Variants in SND1 observed in about 807,000 individuals in gnomAD.
SND1 encodes the protein staphylococcal nuclease and tudor domain containing 1.
SND1 carries 38 observed loss-of-function variants against 121.7 expected under a neutral mutation model. The ratio of observed to expected loss-of-function variants is 0.31; its 90% CI spans 0.24 to 0.41. The LOEUF (loss-of-function observed/expected upper bound fraction) is 0.41, where lower values mean the gene tolerates loss of function less well. Among genes scored for constraint, SND1 ranks in the 10% least tolerant of loss-of-function variants. SND1 has a pLI of 1.00. For synonymous variants in SND1, 401 were observed against 447.4 expected (o/e 0.90, Z 1.31); for missense variants, 868 against 1,184.6 (o/e 0.73, Z 3.92).
intron 10 of SND1, among the ~76,000 whole-genome samples, chr7:127,795,174 A>C (rs555568834): frequency 6.6e-6 from 1 of 152,182 alleles, no homozygotes; most frequent in African/African-American, 2.4e-5. Flanking sequence ...AGAGACACTA[A>C]TTATATTTTA....
At chr7:127,960,183 T>G (rs1801698883) in intron 15 of SND1, among the ~76,000 whole-genome samples, 1 of 152,258 alleles carries the variant, frequency 6.6e-6, no homozygotes, top group Non-Finnish European at 1.5e-5. Flanking sequence ...ATCATTGCTG[T>G]CACAGACACC....
chr7:127,691,768 A>G (rs542220080), intron 2 of SND1, among the ~76,000 whole-genome samples: 1 of 147,560 alleles, frequency 6.8e-6, no homozygotes, highest in South Asian at 2.2e-4. Flanking sequence ...GTGCGCCAAC[A>G]TGCCTGGCTA....
At chr7:128,091,304 CA>C in intron 22 of SND1, among the ~76,000 whole-genome samples, 1 of 152,252 alleles carries the variant, frequency 6.6e-6, no homozygotes, top group Non-Finnish European at 1.5e-5. Context: ...CTGCAGCCTT[CA>C]ACTCCCTGGC....
intron 16 of SND1, among the ~76,000 whole-genome samples, chr7:128,065,320 G>A (rs891159639): frequency 6.6e-6 from 1 of 152,036 alleles, no homozygotes; most frequent in African/African-American, 2.4e-5. Flanking sequence ...AACCCACTGT[G>A]GTTCAGGTAT....
At chr7:127,789,494 G>A (rs547871006) in intron 10 of SND1, among the ~76,000 whole-genome samples, 178 of 152,224 alleles carry the variant, frequency 1.2e-3, no homozygotes, top group Non-Finnish European at 2.1e-3. Context: ...TTCTCACTGC[G>A]GAAGAGAGAC....
intron 16 of SND1, among the ~76,000 whole-genome samples, chr7:128,065,969 C>T (rs1793306237): frequency 6.6e-6 from 1 of 152,204 alleles, no homozygotes; most frequent in Non-Finnish European, 1.5e-5. Context: ...AAATCTCCCT[C>T]CAGCTTCCAG....
At chr7:127,726,994 G>A (rs1796592906) in intron 10 of SND1, among the ~76,000 whole-genome samples, 1 of 152,140 alleles carries the variant, frequency 6.6e-6, no homozygotes, top group South Asian at 2.1e-4. Flanking sequence ...AAACCCAAAG[G>A]TGGAGTCTTT....
At chr7:127,958,177 A>G (rs535108954) in intron 15 of SND1, among the ~76,000 whole-genome samples, 1 of 152,334 alleles carries the variant, frequency 6.6e-6, no homozygotes, top group South Asian at 2.1e-4. Context: ...TCCAAGATTC[A>G]GATCAGCCAT....
intron 12 of SND1, among the ~76,000 whole-genome samples, chr7:127,860,223 C>T (rs926624168): frequency 6.6e-6 from 1 of 152,072 alleles, no homozygotes; most frequent in African/African-American, 2.4e-5. Flanking sequence ...TCCTTCAAAC[C>T]CCTTCTCAGG....
At chr7:127,859,914 A>T (rs1045700666) in intron 12 of SND1, among the ~76,000 whole-genome samples, 2 of 152,184 alleles carry the variant, frequency 1.3e-5, no homozygotes, top group Non-Finnish European at 2.9e-5. Context: ...TGCAGCATAG[A>T]TACAGGTAAT....
chr7:127,821,731 CT>C (rs1798553471), intron 11 of SND1, among the ~76,000 whole-genome samples: 1 of 151,198 alleles, frequency 6.6e-6, no homozygotes, highest in Non-Finnish European at 1.5e-5. Context: ...AAAAAAATAG[CT>C]GCGTAGAAAG....
intron 15 of SND1, among the ~76,000 whole-genome samples, chr7:127,958,867 C>A (rs1451688781): frequency 6.6e-6 from 1 of 152,154 alleles, no homozygotes; most frequent in Non-Finnish European, 1.5e-5. Flanking sequence ...CCTGAATTTT[C>A]TGCACACATA....
At chr7:128,026,549 TGGTAAGCATCA>T (rs1803483235) in intron 16 of SND1, among the ~76,000 whole-genome samples, 1 of 152,192 alleles carries the variant, frequency 6.6e-6, no homozygotes, top group Non-Finnish European at 1.5e-5. Flanking sequence ...CATTATTACT[TGGTAAGCATCA>T]GGAGACAGAC....
intron 10 of SND1, among the ~76,000 whole-genome samples, chr7:127,766,564 A>G (rs903380539): frequency 5.3e-5 from 8 of 152,120 alleles, no homozygotes; most frequent in Non-Finnish European, 1.0e-4. Flanking sequence ...TCACGAGGTC[A>G]GGAGATCAAG....
intron 11 of SND1, among the ~76,000 whole-genome samples, chr7:127,814,786 C>T (rs1157719110): frequency 6.6e-6 from 1 of 152,000 alleles, no homozygotes; most frequent in East Asian, 1.9e-4. Context: ...ATTTCTTTCC[C>T]AAGGGTATAA....
chr7:127,658,275 A>T (rs1236968579), intron 1 of SND1, among the ~76,000 whole-genome samples: 2 of 152,194 alleles, frequency 1.3e-5, no homozygotes, highest in Admixed American at 1.3e-4. Context: ...AGATCGAGCC[A>T]TTGCCCTCCA....
intron 15 of SND1, among the ~76,000 whole-genome samples, chr7:127,976,677 C>T (rs1022486320): frequency 6.6e-6 from 1 of 152,244 alleles, no homozygotes; most frequent in South Asian, 2.1e-4. Flanking sequence ...AAAATCATCA[C>T]TTCAGTAGAA....
intron 10 of SND1, among the ~76,000 whole-genome samples, chr7:127,777,377 A>G (rs1382416106): frequency 1.3e-5 from 2 of 152,224 alleles, no homozygotes; most frequent in Non-Finnish European, 1.5e-5. Flanking sequence ...AAACTCAGAA[A>G]GAGTTGATAA....
chr7:127,864,826 G>C (rs1799440119), intron 12 of SND1, among the ~76,000 whole-genome samples: 1 of 152,116 alleles, frequency 6.6e-6, no homozygotes, highest in African/African-American at 2.4e-5. Context: ...TGAATAAAAT[G>C]GGTTAGGAAA....
Sources: gnomAD v4.1 joint callset for allele counts (sites outside exome capture counted in the v4.1 genomes callset) on GRCh38, gnomAD v4.1.1 for gene constraint, MANE v1.5 for transcripts, NCBI Gene and HGNC (gene_info 2026-07-23, HGNC 2026-07-21) for gene names.